Variants in WDTC1 observed in about 807,000 individuals in gnomAD.
WDTC1 encodes the protein WD and tetratricopeptide repeats protein 1.
WDTC1 carries 12 observed loss-of-function variants against 76.0 expected under a neutral mutation model. That is an observed-to-expected ratio of 0.16 (90% CI 0.10 to 0.26). The LOEUF is 0.26. Ranked by LOEUF, WDTC1 falls within the 10% of genes least tolerant of loss-of-function variation. The pLI is 1.00. For missense variants in WDTC1, 511 were observed against 908.8 expected (o/e 0.56, Z 5.63); for synonymous variants, 326 against 350.8 (o/e 0.93, Z 0.79).
chr1:27,252,813 A>G (rs529783240), intron 1 of WDTC1, among the ~76,000 whole-genome samples: 130 of 150,178 alleles, frequency 8.7e-4, no homozygotes, highest in African/African-American at 2.8e-3. Context: ...AAGAAAAAGA[A>G]AAAAAAAAAG....
chr1:27,284,688 A>T (rs2013281283), intron 5 of WDTC1, among the ~76,000 whole-genome samples: 1 of 152,078 alleles, frequency 6.6e-6, no homozygotes, highest in Non-Finnish European at 1.5e-5. Flanking sequence ...CCAGAATTTC[A>T]TAATGGTCTT....
intron 11 of WDTC1, among the ~76,000 whole-genome samples, chr1:27,297,480 TC>T (rs2147986776): frequency 6.6e-6 from 1 of 152,166 alleles, no homozygotes; most frequent in East Asian, 1.9e-4. Flanking sequence ...ATTATATTAT[TC>T]CCCATCCTAT....
intron 1 of WDTC1, among the ~76,000 whole-genome samples, chr1:27,241,587 G>A (rs1209957588): frequency 2.0e-5 from 3 of 152,150 alleles, no homozygotes; most frequent in African/African-American, 7.2e-5. Flanking sequence ...CCTTGACCTT[G>A]CAGCTAGTAG....
chr1:27,293,949 T>C (rs990422222), intron 7 of WDTC1, 73 bp from the exon 8 acceptor site: 11 of 1,420,352 alleles, frequency 7.7e-6, no homozygotes, highest in Admixed American at 1.9e-5. Flanking sequence ...TAAGTTTTCG[T>C]CTAGTGAGTG....
chr1:27,296,366 C>A lies in WDTC1; in HGVS notation c.914C>A (p.Thr305Asn). 6.2e-7 allele frequency: 1 copy of A among 1,614,102 alleles called. No homozygotes were observed. The highest frequency in any genetic ancestry group is 8.5e-7 in the Non-Finnish European group (1 of 1,180,022). The change falls in exon 10 of 16, where the codon ACC (threonine) becomes AAC (asparagine). Residue 305 changes from threonine (T) to asparagine (N), a missense_variant. Thr to Asn is a moderately conservative substitution (Grantham distance 65). Coordinates refer to ENST00000319394, the MANE Select transcript of WDTC1 (RefSeq NM_001276252.2). ...FDLTYKQRPY[T>N]FLLPRKCHSS... Reference sequence around the variant, plus strand: ...TTGACTTACAAGCAGCGGCCGTACACCTTCCTCTTGCCTAGAAAATGCCAC... The same window carrying A: ...TTGACTTACAAGCAGCGGCCGTACAACTTCCTCTTGCCTAGAAAATGCCAC...
chr1:27,259,855 T>TAAAAA (rs2012417012), intron 1 of WDTC1, among the ~76,000 whole-genome samples: 1 of 136,032 alleles, frequency 7.4e-6, no homozygotes, highest in African/African-American at 2.7e-5. Context: ...ACTCCATCTC[T>TAAAAA]ACAAAAAAAA....
In WDTC1 at chr1:27,274,785, G is replaced by A. The variant is rs1163101121; in HGVS notation, c.133-7454G>A. 6.6e-6 allele frequency among the ~76,000 whole-genome samples: 1 copy of A among 152,146 alleles called. No homozygotes were observed. The highest frequency in any genetic ancestry group is 2.1e-4 in the South Asian group (1 of 4,836). On this transcript the variant is annotated intron_variant, in intron 3 of 15. Transcript: ENST00000319394. The surrounding 1 kb of genome is among the most constrained non-coding windows in gnomAD (Gnocchi z 4.2). The stretch of plus-strand genomic sequence containing the variant: ...GGAGTTGCTTGCTTTCATTTTGTAT[G>A]TATTACCAGGGATCTCCCAAGATCA...
chr1:27,296,514 C>A, intron 10 of WDTC1, 113 bp downstream of exon 10: 1 of 1,147,594 alleles, frequency 8.7e-7, no homozygotes, highest in South Asian at 1.3e-5. Context: ...CCAAAAATAG[C>A]AGATCTCTGA....
Position 27,305,069 on chromosome 1 carries a change from A to T in WDTC1, c.1712A>T (p.Asn571Ile). 1 of 1,613,910 alleles carries T rather than the reference A, an allele frequency of 6.2e-7. No homozygotes were observed. Among genetic ancestry groups the T allele is most frequent in the Non-Finnish European group, 8.5e-7 (1 of 1,179,966 alleles). Residue 571 changes from asparagine to isoleucine, a missense_variant, in exon 15 of 16, where the codon AAC becomes ATC. Asn to Ile is a moderately radical substitution (Grantham distance 149, BLOSUM62 -3). Coordinates refer to ENST00000319394, the MANE Select transcript of WDTC1 (RefSeq NM_001276252.2). The surrounding 1 kb of genome is among the most constrained non-coding windows in gnomAD (Gnocchi z 4.6). ...TTCATCTGGGAAAAGGAGACCACCA[A>T]CCTGGTCCGTGTGCTCCAAGGGGAT... ...SFFIWEKETT[N>I]LVRVLQGDES... is the part of the protein sequence containing the mutation.
At position 27,303,133 on chromosome 1, in the gene WDTC1, C is replaced by T. The variant is rs937099591; in HGVS notation, c.1469-488C>T. Among the ~76,000 whole-genome samples the T allele has an allele frequency of 2.0e-5, 3 of 151,762 alleles. No homozygotes were observed. The highest frequency in any genetic ancestry group is 2.9e-5 in the Non-Finnish European group (2 of 67,950). On this transcript the variant is annotated intron_variant, in intron 13 of 15. Transcript: ENST00000319394. This position sits in a 1 kb window ranked among gnomAD's most constrained non-coding sequence, Gnocchi z 4.8. ...ACTAAAAATACAAAAATTAGCTGGG[C>T]GTGGTGGCACGTGCCTGGTAGTCCC...
chr1:27,259,811 AG>A (rs2012415684), intron 1 of WDTC1, among the ~76,000 whole-genome samples: 1 of 151,780 alleles, frequency 6.6e-6, no homozygotes, highest in Admixed American at 6.6e-5. Context: ...TCTTGAGCCC[AG>A]GATTTCAATA....
intron 1 of WDTC1, among the ~76,000 whole-genome samples, chr1:27,260,103 T>TTTTTG (rs1266540561): frequency 1.3e-5 from 2 of 152,036 alleles, no homozygotes; most frequent in South Asian, 2.1e-4. Context: ...TGTTTTTGTT[T>TTTTTG]TTTTGTTTTG....
At chr1:27,247,257 A>G (rs751680419) in intron 1 of WDTC1, among the ~76,000 whole-genome samples, 14 of 151,844 alleles carry the variant, frequency 9.2e-5, no homozygotes, top group Non-Finnish European at 1.6e-4. Context: ...AGGTTTTACC[A>G]CGTTGGCTAG....
In WDTC1 at chr1:27,301,815, G is replaced by A. The variant is rs1398681231; in HGVS notation, c.1468+354G>A. Among the ~76,000 whole-genome samples the A allele has an allele frequency of 6.6e-6, 1 of 152,152 alleles. No homozygotes were observed. The highest frequency in any genetic ancestry group is 2.4e-5 in the African/African-American group (1 of 41,414). Reference sequence around the variant, plus strand: ...GACAGGGCCCTGGTGGTTCCACTTGGGCATCTGAGAGGCAGAAGCTGGTCA... The same window carrying A: ...GACAGGGCCCTGGTGGTTCCACTTGAGCATCTGAGAGGCAGAAGCTGGTCA... On this transcript the variant is annotated intron_variant, in intron 13 of 15. Transcript: ENST00000319394. This position sits in a 1 kb window ranked among gnomAD's most constrained non-coding sequence, Gnocchi z 5.8.
At position 27,234,741 on chromosome 1, in the gene WDTC1, G is replaced by A. The variant is rs547547230; in HGVS notation, c.-310G>A. ...GGAGTGTGAGTGTGTGTGAGCGCGG[G>A]TGTGAGGCGGTGCGCAGGGGCGGGC... On this transcript the variant is annotated 5_prime_UTR_variant, in exon 1 of 16. The change creates a new upstream start codon in the 5' untranslated region. Transcript: ENST00000319394. 1.3e-4 allele frequency: 52 copies of A among 399,490 alleles called. No individual in the cohort carries two copies. The highest frequency in any genetic ancestry group is 2.2e-4 in the Non-Finnish European group (50 of 226,976). 24.7% of individuals were successfully genotyped at this position (399,490 alleles called of 1,614,324 possible). A position where few individuals can be genotyped will look rare whatever the true frequency, so the allele number is the denominator to read the frequency against.
chr1:27,251,059 TTTTTTTTTTTTA>T (rs1215328647), intron 1 of WDTC1, among the ~76,000 whole-genome samples: 2 of 119,724 alleles, frequency 1.7e-5, no homozygotes, highest in East Asian at 2.3e-4. Context: ...TTTTTTTTTT[TTTTTTTTTTTTA>T]GTAGAGACAG....
chr1:27,269,164 C>CA (rs34447091), intron 3 of WDTC1, among the ~76,000 whole-genome samples: 34,736 of 58,194 alleles, frequency 0.6, 13,454 homozygotes, highest in Non-Finnish European at 0.62. Context: ...CCTGTTTCTC[C>CA]AAAAAAAAAA....
intron 5 of WDTC1, among the ~76,000 whole-genome samples, chr1:27,285,028 CTTTTTTT>C: frequency 8.5e-6 from 1 of 117,044 alleles, no homozygotes; most frequent in East Asian, 2.5e-4. Flanking sequence ...AGACCTTGGT[CTTTTTTT>C]TTTTTTTTTT....
At chr1:27,236,538 T>A (rs1260721038) in intron 1 of WDTC1, among the ~76,000 whole-genome samples, 1 of 152,202 alleles carries the variant, frequency 6.6e-6, no homozygotes, top group Non-Finnish European at 1.5e-5. Context: ...GACACCTTCA[T>A]TGAGGGTCAC....
Sources: allele counts gnomAD v4.1 joint callset (sites outside exome capture counted in the v4.1 genomes callset), GRCh38; gene constraint gnomAD v4.1.1; non-coding constraint Gnocchi (gnomAD v3.1); transcripts MANE v1.5; gene names NCBI Gene and HGNC (gene_info 2026-07-23, HGNC 2026-07-21).